Variants in TNNI3K observed in about 807,000 individuals in gnomAD.
The protein encoded by TNNI3K is serine/threonine-protein kinase TNNI3K.
Under a neutral mutation model 114.5 loss-of-function variants are expected in TNNI3K, and 140 were observed. That is an observed-to-expected ratio of 1.22 (90% CI 1.07 to 1.41). TNNI3K has a LOEUF of 1.41. Ranked by LOEUF, TNNI3K falls within the 40% of genes most tolerant of loss-of-function variation. The probability of loss-of-function intolerance (pLI) is 0.00; values close to 1 mark genes in which losing one functional copy is unlikely to be tolerated. For missense variants in TNNI3K, 1,125 were observed against 1,007.6 expected (o/e 1.12, Z -1.58); for synonymous variants, 347 against 347.5 (o/e 1.00, Z 0.02).
Position 74,417,265 on chromosome 1 carries a change from C to T in TNNI3K, c.1773-18815C>T, listed in dbSNP as rs12128217. On this transcript the variant is annotated intron_variant, in intron 17 of 24. Coordinates refer to ENST00000326637, the MANE Select transcript of TNNI3K (RefSeq NM_015978.3). ...CTCCTGTAGACAGGAGCAGAATTGACTGCCGTGTTGGCTATATTTCATGTA... is the reference window on the plus strand; with the variant it reads ...CTCCTGTAGACAGGAGCAGAATTGATTGCCGTGTTGGCTATATTTCATGTA... Among the ~76,000 whole-genome samples, 577 of 152,120 alleles carry T rather than the reference C, an allele frequency of 3.8e-3. 8 individuals are homozygous for T. Among genetic ancestry groups the T allele is most frequent in the Admixed American group, 0.021 (319 of 15,252 alleles).
At chr1:74,404,409 T>C (rs1476152889) in intron 17 of TNNI3K, among the ~76,000 whole-genome samples, 1 of 152,114 alleles carries the variant, frequency 6.6e-6, no homozygotes, top group Non-Finnish European at 1.5e-5. Context: ...ACTTGTCTCC[T>C]TCCTCCCAAG....
intron 5 of TNNI3K, among the ~76,000 whole-genome samples, chr1:74,309,153 G>T (rs1271773224): frequency 6.6e-6 from 1 of 151,394 alleles, no homozygotes; most frequent in African/African-American, 2.4e-5. Flanking sequence ...CGGATCACGA[G>T]GTCAGGAGAT....
Position 74,445,975 on chromosome 1 carries a change from G to T in TNNI3K, c.2011+6353G>T, listed in dbSNP as rs1468166228. 8.5e-5 allele frequency among the ~76,000 whole-genome samples: 13 copies of T among 152,056 alleles called. No homozygotes were observed. In the South Asian group the frequency reaches 1.0e-3, roughly 12 times the overall value. On this transcript the variant is annotated intron_variant, in intron 20 of 24. Transcript: ENST00000326637. ...TTGGGTTGGTTCCAAGTCTTTGCTA[G>T]TGTGAATAATGCCACAATAAACATA...
intron 11 of TNNI3K, among the ~76,000 whole-genome samples, chr1:74,356,719 A>G (rs1159367412): frequency 2.6e-5 from 4 of 152,196 alleles, no homozygotes; most frequent in Non-Finnish European, 5.9e-5. Flanking sequence ...ATGGAATTCC[A>G]CACTTCTATG....
intron 23 of TNNI3K, among the ~76,000 whole-genome samples, chr1:74,524,789 G>T (rs1211310378): frequency 6.6e-6 from 1 of 151,968 alleles, no homozygotes; most frequent in Non-Finnish European, 1.5e-5. Flanking sequence ...AGGAAGTAAA[G>T]GGGCTGCCTC....
At chr1:74,370,177 GA>G in intron 16 of TNNI3K, 110 bp from the exon 17 acceptor site, 1 of 949,476 alleles carries the variant, frequency 1.1e-6, no homozygotes, top group Non-Finnish European at 1.5e-6. Context: ...TAACCTTCAA[GA>G]AACAAAAAAT....
At position 74,540,229 on chromosome 1, in the gene TNNI3K, T is replaced by C. The variant is rs1646709902; in HGVS notation, c.2352-5T>C. On this transcript the variant is annotated splice_polypyrimidine_tract_variant and splice_region_variant and intron_variant, in intron 23 of 24. Transcript: ENST00000326637. Reference sequence around the variant, plus strand: ...CTGTGAAACTGTGTTTTATTAATTTTCCAGTGCTGGACAATATTCCTCTCA... The same window carrying C: ...CTGTGAAACTGTGTTTTATTAATTTCCCAGTGCTGGACAATATTCCTCTCA... 1 of 1,611,010 alleles carries C rather than the reference T, an allele frequency of 6.2e-7. No individual in the cohort carries two copies. The highest frequency in any genetic ancestry group is 1.7e-5 in the Admixed American group (1 of 59,704).
intron 11 of TNNI3K, among the ~76,000 whole-genome samples, chr1:74,363,242 T>C (rs1471237702): frequency 1.3e-5 from 2 of 152,044 alleles, no homozygotes; most frequent in African/African-American, 4.8e-5. Context: ...TGGGTTTCTT[T>C]CCATGTACTT....
chr1:74,241,093 G>A (rs1654172248), intron 2 of TNNI3K, among the ~76,000 whole-genome samples: 1 of 152,256 alleles, frequency 6.6e-6, no homozygotes, highest in South Asian at 2.1e-4. Flanking sequence ...CCCTACAAAG[G>A]ACATGAAGTC....
At chr1:74,486,478 CT>C (rs1314252603) in intron 21 of TNNI3K, among the ~76,000 whole-genome samples, 2 of 143,054 alleles carry the variant, frequency 1.4e-5, no homozygotes, top group Non-Finnish European at 3.0e-5. Context: ...AACATCATCA[CT>C]TTTTTTGTGT....
At chr1:74,500,158 C>T (rs1669535741) in intron 23 of TNNI3K, among the ~76,000 whole-genome samples, 1 of 151,690 alleles carries the variant, frequency 6.6e-6, no homozygotes, top group Admixed American at 6.6e-5. Flanking sequence ...TCTATAATAC[C>T]TCTTTATTTT....
chr1:74,531,034 A>C (rs541319280), intron 23 of TNNI3K, among the ~76,000 whole-genome samples: 1 of 152,302 alleles, frequency 6.6e-6, no homozygotes, highest in African/African-American at 2.4e-5. Flanking sequence ...AAATGGGGGA[A>C]GCTGAGACCT....
chr1:74,401,335 GT>G (rs1191423488), intron 17 of TNNI3K, among the ~76,000 whole-genome samples: 3 of 151,928 alleles, frequency 2.0e-5, no homozygotes, highest in Non-Finnish European at 4.4e-5. Flanking sequence ...GAAGAAAAAT[GT>G]TTTTCAAACT....
chr1:74,336,122 TTG>T lies in TNNI3K; in HGVS notation c.656_657del (p.Leu219TyrfsTer14), dbSNP rs1429795473. 6.2e-7 allele frequency: 1 copy of T among 1,603,496 alleles called. No homozygotes were observed. The highest frequency in any genetic ancestry group is 1.3e-5 in the African/African-American group (1 of 74,100). ...AGGATTCTTGAATATTGCAAAACTC[TTG>T]ATGGAAGAAGGCAGCAAAGCAGATG... ...AKGFLNIAKL[L>X]MEEGSKADVN... is the part of the protein sequence containing the mutation. On this transcript the variant is annotated frameshift_variant, in exon 7 of 25. Coordinates refer to ENST00000326637, the MANE Select transcript of TNNI3K (RefSeq NM_015978.3). LOFTEE classifies it high-confidence loss of function.
chr1:74,478,973 G>A (rs1297337068), intron 21 of TNNI3K, among the ~76,000 whole-genome samples: 1 of 152,128 alleles, frequency 6.6e-6, no homozygotes, highest in Non-Finnish European at 1.5e-5. Context: ...TACTGCTGAT[G>A]GTAGTTCCAT....
At chr1:74,540,749 A>G (rs1056621137) in intron 24 of TNNI3K, among the ~76,000 whole-genome samples, 6 of 126,290 alleles carry the variant, frequency 4.8e-5, no homozygotes, top group African/African-American at 1.5e-4. Flanking sequence ...CAATTACCTA[A>G]TATGTTGGGA....
chr1:74,471,368 A>C (rs1667924514), intron 21 of TNNI3K: 1 of 400,514 alleles, frequency 2.5e-6, no homozygotes, highest in Admixed American at 4.4e-5. Flanking sequence ...GTTTTGGATA[A>C]TTTCTTAGGA....
At chr1:74,245,966 C>G (rs1031054881) in intron 2 of TNNI3K, among the ~76,000 whole-genome samples, 3 of 152,110 alleles carry the variant, frequency 2.0e-5, no homozygotes, top group African/African-American at 7.2e-5. Flanking sequence ...ACAATAAACT[C>G]CAGTGTTTAT....
intron 4 of TNNI3K, among the ~76,000 whole-genome samples, chr1:74,254,455 C>A (rs1486208506): frequency 6.6e-6 from 1 of 152,204 alleles, no homozygotes; most frequent in Non-Finnish European, 1.5e-5. Flanking sequence ...ATCTCCCTTA[C>A]TCTGAAAGAA....
Sources: allele counts gnomAD v4.1 joint callset (sites outside exome capture counted in the v4.1 genomes callset), GRCh38; gene constraint gnomAD v4.1.1; transcripts MANE v1.5; gene names NCBI Gene and HGNC (gene_info 2026-07-23, HGNC 2026-07-21).